MAP3K5: variants seen among roughly 807,000 people sequenced by gnomAD.
The protein encoded by MAP3K5 is mitogen-activated protein kinase kinase kinase 5.
In MAP3K5, 56 loss-of-function variants were observed where a neutral mutation model predicts 158.7. That is an observed-to-expected ratio of 0.35 (90% confidence interval 0.28 to 0.44). MAP3K5 has a LOEUF of 0.44. Among genes scored for constraint, MAP3K5 ranks in the 20% least tolerant of loss-of-function variants. The probability of loss-of-function intolerance (pLI) is 1.00; values close to 1 mark genes in which losing one functional copy is unlikely to be tolerated. For synonymous variants in MAP3K5, 579 were observed against 601.7 expected (o/e 0.96, Z 0.55); for missense variants, 1,294 against 1,674.8 (o/e 0.77, Z 3.97).
At chr6:136,726,148 G>A (rs1241362912) in intron 1 of MAP3K5, among the ~76,000 whole-genome samples, 2 of 152,152 alleles carry the variant, frequency 1.3e-5, no homozygotes, top group African/African-American at 2.4e-5. Context: ...GGCTGTTTTA[G>A]TTGTTCTCTT....
intron 1 of MAP3K5, among the ~76,000 whole-genome samples, chr6:136,749,767 G>T (rs1465527024): frequency 6.6e-6 from 1 of 152,144 alleles, no homozygotes; most frequent in Middle Eastern, 3.4e-3. Context: ...CATGGACGTC[G>T]ACTGAAAGAC....
intron 7 of MAP3K5, among the ~76,000 whole-genome samples, chr6:136,680,320 G>T (rs1014608727): frequency 1.2e-4 from 19 of 152,192 alleles, no homozygotes; most frequent in African/African-American, 4.6e-4. Flanking sequence ...CACTTAAAAT[G>T]GTTAAAAGAG....
intron 1 of MAP3K5, among the ~76,000 whole-genome samples, chr6:136,763,506 T>A (rs1363230427): frequency 6.6e-6 from 1 of 152,218 alleles, no homozygotes; most frequent in African/African-American, 2.4e-5. Context: ...CTACCCACCC[T>A]ATCTATAGAA....
rs1337128477 is a variant in MAP3K5, at chr6:136,609,656, T to C, written c.2521+1626A>G. On this transcript the variant is annotated intron_variant, in intron 18 of 29. Coordinates refer to ENST00000359015, the MANE Select transcript of MAP3K5 (RefSeq NM_005923.4). The surrounding 1 kb of genome is among the most constrained non-coding windows in gnomAD (Gnocchi z 4.4). ...AAAAATACAAAAAATTAGCCAGGCA[T>C]GGAGGTGCGTGCCTATGGTCCCAGC... 6.6e-6 allele frequency among the ~76,000 whole-genome samples: 1 copy of C among 151,154 alleles called. No homozygotes were observed. The highest frequency in any genetic ancestry group is 1.9e-4 in the East Asian group (1 of 5,146).
At chr6:136,712,718 T>C (rs1781361305) in intron 2 of MAP3K5, among the ~76,000 whole-genome samples, 4 of 152,208 alleles carry the variant, frequency 2.6e-5, no homozygotes, top group South Asian at 2.1e-4. Context: ...GTAGCTCCCA[T>C]GATTCCCACA....
chr6:136,637,216 CTACAGACAGTCTCCTACCCCTCA>C, intron 14 of MAP3K5, 86 bp downstream of exon 14: 1 of 1,244,418 alleles, frequency 8.0e-7, no homozygotes, highest in East Asian at 2.4e-5. Flanking sequence ...AAAGGAAAGC[CTACAGACAGTCTCCTACCCCTCA>C]TACACCCTGC....
At chr6:136,727,275 T>C (rs1000621696) in intron 1 of MAP3K5, among the ~76,000 whole-genome samples, 44 of 152,262 alleles carry the variant, frequency 2.9e-4, no homozygotes, top group Non-Finnish European at 2.6e-4. Context: ...TTTATAAACA[T>C]ATATTCAGTA....
chr6:136,582,268 G>A (rs1460199143), intron 24 of MAP3K5, among the ~76,000 whole-genome samples: 10 of 64,810 alleles, frequency 1.5e-4, no homozygotes, highest in African/African-American at 6.6e-4. Flanking sequence ...GTATACGTGT[G>A]TGTGTGTGTG....
chr6:136,792,294 C>G lies in MAP3K5; in HGVS notation c.-137G>C, dbSNP rs1270756607. ...CGCCGCGCCCTCGCCGCCGCGCCGC[C>G]GCCTCCTCTCCGGCGCCCTCTCCCC... On this transcript the variant is annotated 5_prime_UTR_variant, in exon 1 of 30. Transcript: ENST00000359015. The surrounding 1 kb of genome is among the most constrained non-coding windows in gnomAD (Gnocchi z 5.7). 1.6e-5 allele frequency: 17 copies of G among 1,076,768 alleles called. No homozygotes were observed. Among genetic ancestry groups the G allele is most frequent in the Non-Finnish European group, 1.9e-5 (17 of 895,242 alleles). 66.7% of individuals were successfully genotyped at this position (1,076,768 alleles called of 1,614,324 possible).
At chr6:136,633,716 G>A (rs569674367) in intron 14 of MAP3K5, among the ~76,000 whole-genome samples, 4 of 152,302 alleles carry the variant, frequency 2.6e-5, no homozygotes, top group African/African-American at 9.6e-5. Context: ...GGGCTTCTAA[G>A]AAGTCTTTCA....
At chr6:136,612,255 C>T (rs112565920) in intron 17 of MAP3K5, among the ~76,000 whole-genome samples, 2 of 152,216 alleles carry the variant, frequency 1.3e-5, no homozygotes, top group African/African-American at 4.8e-5. Context: ...GCAATTCTTA[C>T]ATCTTGAGAA....
intron 14 of MAP3K5, among the ~76,000 whole-genome samples, chr6:136,635,711 G>A (rs116004084): frequency 6.0e-4 from 77 of 127,668 alleles, no homozygotes; most frequent in African/African-American, 2.3e-3. Flanking sequence ...AACAAAGTGA[G>A]ATCCCGTCTC....
At chr6:136,754,512 G>A (rs900836675) in intron 1 of MAP3K5, among the ~76,000 whole-genome samples, 1 of 151,228 alleles carries the variant, frequency 6.6e-6, no homozygotes. Context: ...TGGGGAGGTC[G>A]AGGCCTGCAG....
At chr6:136,626,278 C>T (rs1469362938) in intron 14 of MAP3K5, among the ~76,000 whole-genome samples, 1 of 152,180 alleles carries the variant, frequency 6.6e-6, no homozygotes, top group East Asian at 1.9e-4. Flanking sequence ...GAGCACTGGC[C>T]TCCTTAGCAT....
intron 7 of MAP3K5, among the ~76,000 whole-genome samples, chr6:136,685,846 G>A (rs1431352220): frequency 6.6e-6 from 1 of 152,152 alleles, no homozygotes; most frequent in Non-Finnish European, 1.5e-5. Flanking sequence ...GCATAATCCT[G>A]GGTATATCTG....
intron 2 of MAP3K5, among the ~76,000 whole-genome samples, chr6:136,718,547 G>T (rs144215973): frequency 6.6e-6 from 1 of 152,228 alleles, no homozygotes; most frequent in Non-Finnish European, 1.5e-5. Context: ...AGCACATAGT[G>T]AATACTCAAT....
intron 4 of MAP3K5, among the ~76,000 whole-genome samples, chr6:136,697,859 C>T (rs1780670608): frequency 3.3e-5 from 5 of 152,166 alleles, no homozygotes; most frequent in African/African-American, 9.7e-5. Flanking sequence ...ATTCTCTTGC[C>T]TCAGCCTTGT....
intron 21 of MAP3K5, among the ~76,000 whole-genome samples, chr6:136,598,638 C>G (rs1009608262): frequency 6.6e-6 from 1 of 152,144 alleles, no homozygotes; most frequent in Non-Finnish European, 1.5e-5. Flanking sequence ...GGAAGGGGGT[C>G]TCATTGTCAC....
intron 19 of MAP3K5, among the ~76,000 whole-genome samples, chr6:136,602,516 G>C (rs1775922725): frequency 6.6e-6 from 1 of 152,176 alleles, no homozygotes; most frequent in Non-Finnish European, 1.5e-5. Flanking sequence ...TGTCGCACAG[G>C]CTGGTCCAAA....
Sources: allele counts gnomAD v4.1 joint callset (sites outside exome capture counted in the v4.1 genomes callset), GRCh38; gene constraint gnomAD v4.1.1; non-coding constraint Gnocchi (gnomAD v3.1); transcripts MANE v1.5; gene names NCBI Gene and HGNC (gene_info 2026-07-23, HGNC 2026-07-21).